The following FOLR1 variants were observed in gnomAD, a reference collection of about 807,000 sequenced individuals.
FOLR1 encodes KB cells FBP.
In FOLR1, 11 loss-of-function variants were observed where a neutral mutation model predicts 22.8. The observed-to-expected ratio is 0.48, with a 90% CI of 0.30 to 0.80. The LOEUF (loss-of-function observed/expected upper bound fraction) is 0.80, where lower values mean the gene tolerates loss of function less well. Among genes scored for constraint, FOLR1 ranks in the 30% least tolerant of loss-of-function variants. FOLR1 has a pLI of 0.06. For missense variants in FOLR1, 273 were observed against 320.3 expected (o/e 0.85, Z 1.13); for synonymous variants, 108 against 116.5 (o/e 0.93, Z 0.47).
rs575657628 is a variant in FOLR1 at position 72,193,346 on chromosome 11, AAAAG to A, written c.168+1014_168+1017del. Among the ~76,000 whole-genome samples the A allele has an allele frequency of 4.8e-4, 73 of 151,928 alleles. No individual in the cohort carries two copies. In the East Asian group the frequency reaches 0.012, roughly 25 times the overall value. On this transcript the variant is annotated intron_variant, in intron 1 of 3. Coordinates refer to ENST00000393676, the MANE Select transcript of FOLR1 (RefSeq NM_016729.3). ...TTGTCAAAAGAAAGAAAGAACGAAAAAAAGAAAGAAAGGAAGGAAGGAAGGGGAG... is the reference window on the plus strand; with the variant it reads ...TTGTCAAAAGAAAGAAAGAACGAAAAAAAGAAAGGAAGGAAGGAAGGGGAG...
In FOLR1 at chr11:72,195,264, C is replaced by G. The variant is rs1297822149; in HGVS notation, c.169-7C>G. 2.5e-6 allele frequency: 4 copies of G among 1,613,688 alleles called. No individual in the cohort carries two copies. Among genetic ancestry groups the G allele is most frequent in the Non-Finnish European group, 3.4e-6 (4 of 1,179,906 alleles). The stretch of plus-strand genomic sequence containing the variant: ...GTGGACTGAGTCCTCTGTCTTCCCC[C>G]ATCCAGTGTCGACCCTGGAGGAAGA... On this transcript the variant is annotated splice_polypyrimidine_tract_variant and splice_region_variant and intron_variant, in intron 1 of 3. Coordinates refer to ENST00000393676, the MANE Select transcript of FOLR1 (RefSeq NM_016729.3).
upstream of FOLR1, among the ~76,000 whole-genome samples, chr11:72,191,373 T>A (rs1180692116): frequency 6.6e-6 from 1 of 152,100 alleles, no homozygotes; most frequent in Non-Finnish European, 1.5e-5. Context: ...AACTTTTTTT[T>A]TTTTTTTGAG....
chr11:72,191,809 A>G (rs923881909), upstream of FOLR1, among the ~76,000 whole-genome samples: 1 of 152,246 alleles, frequency 6.6e-6, no homozygotes, highest in Non-Finnish European at 1.5e-5. Flanking sequence ...TATGAAAATT[A>G]TATTTTCTTT....
chr11:72,192,451 C>A (rs576044045), intron 1 of FOLR1, 110 bp downstream of exon 1: 4 of 1,152,950 alleles, frequency 3.5e-6, no homozygotes, highest in East Asian at 4.7e-5. Flanking sequence ...AGGAGCCCTT[C>A]AGTTTGCATT....
chr11:72,192,264 A>G lies in FOLR1; in HGVS notation c.91A>G (p.Thr31Ala). 1 of 1,614,150 alleles carries G rather than the reference A, an allele frequency of 6.2e-7. No homozygotes were observed. Among genetic ancestry groups the G allele is most frequent in the Middle Eastern group, 1.7e-4 (1 of 6,060 alleles). Residue 31 changes from threonine to alanine, a missense_variant, in exon 1 of 4, where the codon ACT becomes GCT. Thr to Ala is a moderately conservative substitution (Grantham distance 58). Coordinates refer to ENST00000393676, the MANE Select transcript of FOLR1 (RefSeq NM_016729.3). ...TCAGACAAGGATTGCATGGGCCAGG[A>G]CTGAGCTTCTCAATGTCTGCATGAA... ...EAQTRIAWAR[T>A]ELLNVCMNAK... is the part of the protein sequence containing the mutation.
chr11:72,195,771 T>A, intron 3 of FOLR1, 24 bp downstream of exon 3: 1 of 1,614,026 alleles, frequency 6.2e-7, no homozygotes, highest in Non-Finnish European at 8.5e-7. Context: ...TGGGCAGGAA[T>A]GGAGGGATTT....
At chr11:72,191,205 C>T (rs1038935858), upstream of FOLR1, among the ~76,000 whole-genome samples, 4 of 152,132 alleles carry the variant, frequency 2.6e-5, no homozygotes, top group Non-Finnish European at 5.9e-5. Context: ...GCACCCATGT[C>T]CTGTGACCCC....
Position 72,196,045 on chromosome 11 carries a change from C to A in FOLR1, c.642C>A (p.Phe214Leu). The change falls in exon 4 of 4, where the codon TTC (phenylalanine) becomes TTA (leucine). Residue 214 changes from phenylalanine to leucine, a missense_variant. Coordinates refer to ENST00000393676, the MANE Select transcript of FOLR1 (RefSeq NM_016729.3). Reference sequence around the variant, plus strand: ...GTGGCCGCTGCATCCAGATGTGGTTCGACCCAGCCCAGGGCAACCCCAATG... The same window carrying A: ...GTGGCCGCTGCATCCAGATGTGGTTAGACCCAGCCCAGGGCAACCCCAATG... ...RGSGRCIQMW[F>L]DPAQGNPNEE... 6.2e-7 allele frequency: 1 copy of A among 1,614,220 alleles called. No homozygotes were observed. Among genetic ancestry groups the A allele is most frequent in the Non-Finnish European group, 8.5e-7 (1 of 1,180,032 alleles).
chr11:72,191,572 G>A (rs1025876801), upstream of FOLR1, among the ~76,000 whole-genome samples: 1 of 152,042 alleles, frequency 6.6e-6, no homozygotes, highest in African/African-American at 2.4e-5. Flanking sequence ...ATGTTGGCCA[G>A]GCTGGTCTCA....
intron 1 of FOLR1, 131 bp downstream of exon 1, chr11:72,192,472 A>G: frequency 1.1e-6 from 1 of 877,976 alleles, no homozygotes; most frequent in South Asian, 1.5e-5. Flanking sequence ...AATATGGGTG[A>G]CTATTTCACA....
upstream of FOLR1, among the ~76,000 whole-genome samples, chr11:72,191,044 G>T (rs1469922666): frequency 2.0e-5 from 3 of 152,224 alleles, no homozygotes; most frequent in Non-Finnish European, 4.4e-5. Context: ...CTGGTGTCCA[G>T]TGGAGTGAAG....
rs121918406 is a variant in FOLR1, at chr11:72,195,928, C to A, written c.525C>A (p.Cys175Ter). The A allele has an allele frequency of 1.2e-6, 2 of 1,614,082 alleles. No homozygotes were observed. Among genetic ancestry groups the A allele is most frequent in the African/African-American group, 1.3e-5 (1 of 74,930 alleles). The change falls in exon 4 of 4, where the codon TGC becomes TGA. Residue 175 changes from cysteine (C) to a stop codon, truncating the protein, a stop_gained. Coordinates refer to ENST00000393676, the MANE Select transcript of FOLR1 (RefSeq NM_016729.3). LOFTEE classifies it low-confidence loss of function (END_TRUNC). ...ACAAGTGCGCAGTGGGAGCTGCCTG[C>A]CAACCTTTCCATTTCTACTTCCCCA... ...GFNKCAVGAA[C>*]QPFHFYFPTP...
chr11:72,191,353 C>T (rs193048099), upstream of FOLR1, among the ~76,000 whole-genome samples: 420 of 152,038 alleles, frequency 2.8e-3, 11 homozygotes, highest in Admixed American at 0.023. Context: ...CCAACTAAAA[C>T]ATTTTTATAA....
intron 1 of FOLR1, among the ~76,000 whole-genome samples, chr11:72,194,240 A>G (rs1948196712): frequency 6.6e-6 from 1 of 152,214 alleles, no homozygotes; most frequent in South Asian, 2.1e-4. Flanking sequence ...TTGTTTCTCA[A>G]TAACTTATAA....
chr11:72,189,765 T>A (rs2135383633), upstream of FOLR1: 1 of 152,664 alleles, frequency 6.6e-6, no homozygotes, highest in Non-Finnish European at 1.5e-5. Context: ...CCCAGGTATG[T>A]GACACTCCCC....
At chr11:72,192,445 G>A in intron 1 of FOLR1, 104 bp downstream of exon 1, 1 of 1,266,568 alleles carries the variant, frequency 7.9e-7, no homozygotes, top group South Asian at 1.2e-5. Flanking sequence ...AAGTGGAGGA[G>A]CCCTTCAGTT....
In FOLR1 at chr11:72,192,354, G is replaced by A. The variant is rs745859325; in HGVS notation, c.168+13G>A. 5 of 1,613,634 alleles carry A rather than the reference G, an allele frequency of 3.1e-6. No homozygotes were observed. In the East Asian group the frequency reaches 8.9e-5, roughly 29 times the overall value. ...GTTGCATGAGCAGGTGGGCCAGGGGGTGATCTGGGGTGGTGAGGGACTGGC... is the reference window on the plus strand; with the variant it reads ...GTTGCATGAGCAGGTGGGCCAGGGGATGATCTGGGGTGGTGAGGGACTGGC... On this transcript the variant is annotated intron_variant, in intron 1 of 3. Coordinates refer to ENST00000393676, the MANE Select transcript of FOLR1 (RefSeq NM_016729.3).
rs1304635865 is a variant in FOLR1, at chr11:72,192,265, C to T, written c.92C>T (p.Thr31Ile). Residue 31 changes from threonine to isoleucine, a missense_variant, in exon 1 of 4, where the codon ACT becomes ATT. Physicochemically the swap from Thr to Ile is moderately conservative, Grantham distance 89. Coordinates refer to ENST00000393676, the MANE Select transcript of FOLR1 (RefSeq NM_016729.3). ...EAQTRIAWAR[T>I]ELLNVCMNAK... Reference sequence around the variant, plus strand: ...CAGACAAGGATTGCATGGGCCAGGACTGAGCTTCTCAATGTCTGCATGAAC... The same window carrying T: ...CAGACAAGGATTGCATGGGCCAGGATTGAGCTTCTCAATGTCTGCATGAAC... The T allele has an allele frequency of 6.2e-7, 1 of 1,614,046 alleles. No homozygotes were observed. The highest frequency in any genetic ancestry group is 8.5e-7 in the Non-Finnish European group (1 of 1,180,034).
chr11:72,189,923 A>C (rs1327092246), upstream of FOLR1, among the ~76,000 whole-genome samples: 1 of 152,196 alleles, frequency 6.6e-6, no homozygotes, highest in African/African-American at 2.4e-5. Flanking sequence ...GCTCAAGGTT[A>C]AACGACAAGT....
Sources: gnomAD v4.1 joint callset for allele counts (sites outside exome capture counted in the v4.1 genomes callset) on GRCh38, gnomAD v4.1.1 for gene constraint, MANE v1.5 for transcripts, NCBI Gene and HGNC (gene_info 2026-07-23, HGNC 2026-07-21) for gene names.